Variants in RSPO4 observed in about 807,000 individuals in gnomAD.
RSPO4 encodes the protein R-spondin-4.
Under a neutral mutation model 24.8 loss-of-function variants are expected in RSPO4, and 23 were observed. That is an observed-to-expected ratio of 0.93 (90% CI 0.67 to 1.31). The LOEUF (loss-of-function observed/expected upper bound fraction) is 1.31. Ranked by LOEUF, RSPO4 falls within the 40% of genes most tolerant of loss-of-function variation. The pLI is 0.00. For missense variants in RSPO4, 333 were observed against 316.5 expected (o/e 1.05, Z -0.39); for synonymous variants, 141 against 127.4 (o/e 1.11, Z -0.72).
intron 4 of RSPO4, among the ~76,000 whole-genome samples, chr20:963,501 T>C (rs73577396): frequency 0.02 from 2,989 of 152,224 alleles, 103 homozygotes; most frequent in African/African-American, 0.068. Flanking sequence ...CTTCCCTAAG[T>C]GTCTGTTGGT....
chr20:963,434 C>G (rs191549509), intron 4 of RSPO4, among the ~76,000 whole-genome samples: 1 of 152,118 alleles, frequency 6.6e-6, no homozygotes, highest in Non-Finnish European at 1.5e-5. Flanking sequence ...TCTCTGATGG[C>G]GATGTGGCCA....
At chr20:998,534 T>C (rs1600103227) in intron 1 of RSPO4, among the ~76,000 whole-genome samples, 1 of 152,286 alleles carries the variant, frequency 6.6e-6, no homozygotes, top group East Asian at 1.9e-4. Context: ...CGCCGGAGCC[T>C]GAGGAAGGAT....
rs552513871 is a variant in RSPO4 at position 958,683 on chromosome 20, G to A, written c.*1674C>T. ...TCAGGCCAGGGCTCCCCAGCTGCCA[G>A]GTGGAGGGCAGGTCTGAGGGTGGGT... On this transcript the variant is annotated 3_prime_UTR_variant, in exon 5 of 5. Transcript: ENST00000217260. 1 of 152,132 alleles carries A rather than the reference G, an allele frequency of 6.6e-6. No individual in the cohort carries two copies. The highest frequency in any genetic ancestry group is 6.5e-5 in the Admixed American group (1 of 15,282). The allele number at this position is 152,132 out of a possible 1,614,324, so 9.4% of individuals were successfully genotyped here. A position where few individuals can be genotyped will look rare whatever the true frequency, so the allele number is the denominator to read the frequency against.
chr20:978,846 A>G (rs948321459), intron 1 of RSPO4, among the ~76,000 whole-genome samples: 2 of 152,096 alleles, frequency 1.3e-5, no homozygotes, highest in African/African-American at 4.8e-5. Context: ...CATTTGGTAG[A>G]AAGGGAGGGG....
At chr20:963,413 G>T (rs1015819686) in intron 4 of RSPO4, among the ~76,000 whole-genome samples, 2 of 152,136 alleles carry the variant, frequency 1.3e-5, no homozygotes, top group African/African-American at 4.8e-5. Flanking sequence ...GGTCACTGTT[G>T]GGAAATCGCA....
Position 960,379 on chromosome 20 carries a change from C to T in RSPO4, c.683G>A (p.Arg228His), listed in dbSNP as rs781119266. Reference protein sequence around the residue: ...KLDRRLDVRPRQPGLQP With the variant: ...KLDRRLDVRPHQPGLQP Reference sequence around the variant, plus strand: ...CGGTCAGGGCTGCAGGCCGGGCTGGCGCGGCCTCACGTCCAGCCTGCGGTC... The same window carrying T: ...CGGTCAGGGCTGCAGGCCGGGCTGGTGCGGCCTCACGTCCAGCCTGCGGTC... Residue 228 changes from arginine (R) to histidine (H), a missense_variant, in exon 5 of 5, where the codon CGC becomes CAC. Transcript: ENST00000217260. 127 of 1,537,280 alleles carry T rather than the reference C, an allele frequency of 8.3e-5. 1 individual carries two copies. Among genetic ancestry groups the T allele is most frequent in the Middle Eastern group, 5.3e-4 (3 of 5,634 alleles).
At chr20:968,415 G>A (rs373041188) in intron 1 of RSPO4, among the ~76,000 whole-genome samples, 1 of 152,220 alleles carries the variant, frequency 6.6e-6, no homozygotes, top group African/African-American at 2.4e-5. Context: ...TTTCTGTTGG[G>A]TGGAATGTGA....
intron 3 of RSPO4, among the ~76,000 whole-genome samples, chr20:965,774 G>A (rs527969900): frequency 8.6e-4 from 131 of 152,294 alleles, no homozygotes; most frequent in African/African-American, 2.9e-3. Flanking sequence ...AAAATATTAT[G>A]CATTTGTTCT....
At chr20:997,106 C>A (rs2103799) in intron 1 of RSPO4, among the ~76,000 whole-genome samples, 2 of 152,198 alleles carry the variant, frequency 1.3e-5, no homozygotes, top group South Asian at 4.1e-4. Context: ...CCTCAGTTCC[C>A]GTGTCTGGGA....
intron 4 of RSPO4, among the ~76,000 whole-genome samples, chr20:960,776 C>T (rs564477): frequency 2.7e-4 from 41 of 152,290 alleles, no homozygotes; most frequent in Admixed American, 8.5e-4. Context: ...ATCAGCATGT[C>T]GGGTGGCCTC....
chr20:961,722 TC>T (rs1185482645), intron 4 of RSPO4, among the ~76,000 whole-genome samples: 1 of 151,916 alleles, frequency 6.6e-6, no homozygotes, highest in Non-Finnish European at 1.5e-5. Flanking sequence ...TGGCTTTGTG[TC>T]CCTACCCCTT....
Position 995,417 on chromosome 20 carries a change from A to G in RSPO4, c.79+6669T>C, listed in dbSNP as rs142113339. ...TCTTCTGTAAGCTGGCGGTAGAGGCATATCCACCAGGCAGGACTGGGGTGA... is the reference window on the plus strand; with the variant it reads ...TCTTCTGTAAGCTGGCGGTAGAGGCGTATCCACCAGGCAGGACTGGGGTGA... On this transcript the variant is annotated intron_variant, in intron 1 of 4. Coordinates refer to ENST00000217260, the MANE Select transcript of RSPO4 (RefSeq NM_001029871.4). 5.2e-3 allele frequency among the ~76,000 whole-genome samples: 794 copies of G among 152,262 alleles called. 2 individuals carry two copies. Among genetic ancestry groups the G allele is most frequent in the Middle Eastern group, 0.01 (3 of 294 alleles).
intron 1 of RSPO4, among the ~76,000 whole-genome samples, chr20:984,018 C>T (rs1228057276): frequency 6.6e-6 from 1 of 152,122 alleles, no homozygotes; most frequent in African/African-American, 2.4e-5. Context: ...ATACCCTCCT[C>T]ACCTTACATA....
In RSPO4 at chr20:985,825, T is replaced by C. The variant is rs529275544; in HGVS notation, c.79+16261A>G. ...CATGCCCCCAACTCCCAAGCCCAGG[T>C]GGGCTCATGGTTTGGAGGGGAGAAG... is the stretch of plus-strand genomic sequence containing the variant. On this transcript the variant is annotated intron_variant, in intron 1 of 4. Coordinates refer to ENST00000217260, the MANE Select transcript of RSPO4 (RefSeq NM_001029871.4). Among the ~76,000 whole-genome samples, 13 of 152,246 alleles carry C rather than the reference T, an allele frequency of 8.5e-5. No homozygotes were observed. The South Asian group carries it at 2.7e-3, about 32-fold the overall frequency.
intron 1 of RSPO4, among the ~76,000 whole-genome samples, chr20:979,700 T>C (rs1443577535): frequency 8.5e-5 from 13 of 152,196 alleles, no homozygotes; most frequent in Admixed American, 8.5e-4. Flanking sequence ...GTTCCCCAAC[T>C]AATAACCCTT....
In RSPO4 at chr20:959,988, G is replaced by A. The variant is rs192551017; in HGVS notation, c.*369C>T. 1 of 270,822 alleles carries A rather than the reference G, an allele frequency of 3.7e-6. No homozygotes were observed. Among genetic ancestry groups the A allele is most frequent in the East Asian group, 8.2e-5 (1 of 12,218 alleles). 16.8% of individuals were successfully genotyped at this position (270,822 alleles called of 1,614,324 possible). The stretch of plus-strand genomic sequence containing the variant: ...AGAGAAAGCTGCAGGGGAGGGCACA[G>A]GCTCATGGTCCCTCTTAAAGTGTGT... On this transcript the variant is annotated 3_prime_UTR_variant, in exon 5 of 5. Coordinates refer to ENST00000217260, the MANE Select transcript of RSPO4 (RefSeq NM_001029871.4).
rs757004626 is a variant in RSPO4 at position 968,022 on chromosome 20, A to T, written c.196T>A (p.Tyr66Asn). The T allele has an allele frequency of 5.6e-6, 9 of 1,614,120 alleles. No homozygotes were observed. In the Middle Eastern group the frequency reaches 4.9e-4, roughly 88 times the overall value. ...GGACAGTCGTGCAGGCACTTGCCGT[A>T]CTGGCGGATGCCTTCCCGGCGGATG... ...LFIRREGIRQ[Y>N]GKCLHDCPPG... The change falls in exon 2 of 5, where the codon TAC becomes AAC. Residue 66 changes from tyrosine (Y) to asparagine (N), a missense_variant. Transcript: ENST00000217260.
chr20:992,971 CT>C (rs1158228765), intron 1 of RSPO4, among the ~76,000 whole-genome samples: 3 of 152,196 alleles, frequency 2.0e-5, no homozygotes, highest in African/African-American at 7.2e-5. Flanking sequence ...TCATCCGGGA[CT>C]TGCTAGAGAC....
intron 3 of RSPO4, among the ~76,000 whole-genome samples, chr20:964,695 TACAC>T (rs149613212): frequency 2.7e-5 from 4 of 148,554 alleles, no homozygotes; most frequent in South Asian, 2.1e-4. Context: ...TATATATATA[TACAC>T]ACACACACAC....
Sources: allele counts gnomAD v4.1 joint callset (sites outside exome capture counted in the v4.1 genomes callset), GRCh38; gene constraint gnomAD v4.1.1; transcripts MANE v1.5; gene names NCBI Gene and HGNC (gene_info 2026-07-23, HGNC 2026-07-21).